Variants in UPP2 observed in about 807,000 individuals in gnomAD.
UPP2 encodes uridine phosphorylase 2.
UPP2 carries 23 observed loss-of-function variants against 26.7 expected under a neutral mutation model. That is an observed-to-expected ratio of 0.86 (90% CI 0.62 to 1.22). The LOEUF (loss-of-function observed/expected upper bound fraction) is 1.22, where lower values mean the gene tolerates loss of function less well. UPP2 is among the 50% of genes most tolerant of loss of function. The pLI, the probability that UPP2 is intolerant of heterozygous loss-of-function variation, is 0.00. For missense variants in UPP2, 387 were observed against 396.7 expected (o/e 0.98, Z 0.21); for synonymous variants, 127 against 141.3 (o/e 0.90, Z 0.72).
intron 3 of UPP2, chr2:158,065,921 T>C: frequency 1.7e-6 from 1 of 572,458 alleles, no homozygotes; most frequent in South Asian, 1.7e-5. Context: ...AAATGAAAGA[T>C]GATGATGCAG....
chr2:158,046,499 T>C (rs1684158017), intron 3 of UPP2, among the ~76,000 whole-genome samples: 1 of 152,200 alleles, frequency 6.6e-6, no homozygotes, highest in South Asian at 2.1e-4. Flanking sequence ...AGATTTGAAT[T>C]TTGGGTTAGG....
chr2:158,015,733 G>T (rs1683647798), intron 2 of UPP2: 1 of 447,930 alleles, frequency 2.2e-6, no homozygotes, highest in African/African-American at 2.0e-5. Flanking sequence ...ACAAGATTTG[G>T]TTGTTTGAAA....
At chr2:158,009,923 G>T (rs1470229291) in intron 2 of UPP2, among the ~76,000 whole-genome samples, 1 of 152,164 alleles carries the variant, frequency 6.6e-6, no homozygotes, top group Non-Finnish European at 1.5e-5. Flanking sequence ...TTACATTATT[G>T]CTATTAATCA....
chr2:158,072,299 G>A (rs1426799000), intron 3 of UPP2, among the ~76,000 whole-genome samples: 4 of 152,112 alleles, frequency 2.6e-5, no homozygotes, highest in Admixed American at 6.5e-5. Flanking sequence ...TTGAGGGCCA[G>A]CTTAACCACA....
chr2:158,100,086 C>T (rs1683049784), upstream of UPP2, among the ~76,000 whole-genome samples: 1 of 152,168 alleles, frequency 6.6e-6, no homozygotes, highest in Non-Finnish European at 1.5e-5. Context: ...AACAACCTAC[C>T]ATAAGAGCAG....
chr2:158,048,245 T>G (rs888174434), intron 3 of UPP2, among the ~76,000 whole-genome samples: 5 of 152,154 alleles, frequency 3.3e-5, no homozygotes, highest in African/African-American at 1.2e-4. Flanking sequence ...CAGGGGCAGA[T>G]GAAAGTTTTG....
At chr2:158,046,804 G>A (rs932802616) in intron 3 of UPP2, among the ~76,000 whole-genome samples, 3 of 152,128 alleles carry the variant, frequency 2.0e-5, no homozygotes, top group African/African-American at 7.2e-5. Context: ...TAAGCTTAGG[G>A]AGTTCTGTAA....
chr2:158,081,218 G>T (rs1484051875), intron 3 of UPP2, among the ~76,000 whole-genome samples: 2 of 152,138 alleles, frequency 1.3e-5, no homozygotes, highest in East Asian at 3.8e-4. Context: ...AAGTTTTACT[G>T]CTTAACAAAG....
At chr2:158,013,206 G>A (rs190095240) in intron 2 of UPP2, among the ~76,000 whole-genome samples, 1 of 152,220 alleles carries the variant, frequency 6.6e-6, no homozygotes, top group African/African-American at 2.4e-5. Flanking sequence ...ATGTTGCACA[G>A]GCTGGTCTCA....
rs917658130 is a variant in UPP2, at chr2:158,014,512, G to A, written c.62-1289G>A. Reference sequence around the variant, plus strand: ...ACTCCATCTCTTATTAAAAAGTACAGTTAATCTGGACCTTCCCTCCCACTC... The same window carrying A: ...ACTCCATCTCTTATTAAAAAGTACAATTAATCTGGACCTTCCCTCCCACTC... On this transcript the variant is annotated intron_variant, in intron 2 of 9. Coordinates refer to the UPP2 transcript ENST00000605860. Among the ~76,000 whole-genome samples the A allele has an allele frequency of 7.2e-5, 11 of 152,240 alleles. 1 individual carries two copies. Among genetic ancestry groups the A allele is most frequent in the African/African-American group, 2.4e-4 (10 of 41,548 alleles).
At chr2:158,106,435 T>C (rs1214271413) in intron 2 of UPP2, among the ~76,000 whole-genome samples, 1 of 152,162 alleles carries the variant, frequency 6.6e-6, no homozygotes, top group Non-Finnish European at 1.5e-5. Context: ...AATGCAAACA[T>C]GTTATTTGGC....
intron 3 of UPP2, among the ~76,000 whole-genome samples, chr2:158,044,807 C>T (rs185978938): frequency 2.0e-5 from 3 of 152,272 alleles, no homozygotes; most frequent in Admixed American, 2.0e-4. Flanking sequence ...GTAACCTAAA[C>T]GGCTCTAGTA....
intron 3 of UPP2, among the ~76,000 whole-genome samples, chr2:158,043,108 A>G (rs1318937457): frequency 6.6e-6 from 1 of 152,226 alleles, no homozygotes; most frequent in African/African-American, 2.4e-5. Flanking sequence ...TCTAATGTTT[A>G]AAATCTGTTC....
intron 3 of UPP2, chr2:158,066,007 TA>T: frequency 2.8e-6 from 1 of 362,832 alleles, no homozygotes; most frequent in Non-Finnish European, 5.1e-6. Flanking sequence ...GTATCATCCT[TA>T]AAGATGTGGC....
chr2:158,065,853 T>G (rs1682426203), intron 3 of UPP2: 1 of 663,300 alleles, frequency 1.5e-6, no homozygotes, highest in Admixed American at 2.2e-5. Flanking sequence ...TGCTGTTCAT[T>G]GCATTGCAGG....
intron 3 of UPP2, among the ~76,000 whole-genome samples, chr2:158,083,867 T>TATATATATATATATATATATATATATATA (rs1553467792): frequency 6.9e-5 from 10 of 145,870 alleles, no homozygotes; most frequent in African/African-American, 2.3e-4. Context: ...TATATGTTTT[T>TATATATATATATATATATATATATATATA]TATATATATA....
intron 3 of UPP2, among the ~76,000 whole-genome samples, chr2:158,051,696 G>C (rs1010505441): frequency 2.2e-4 from 33 of 152,068 alleles, no homozygotes; most frequent in Middle Eastern, 3.4e-3. Flanking sequence ...CAGGAGAATC[G>C]CTTGAACCCA....
At chr2:158,035,221 G>A (rs1050517121) in intron 3 of UPP2, among the ~76,000 whole-genome samples, 6 of 150,864 alleles carry the variant, frequency 4.0e-5, no homozygotes, top group African/African-American at 1.2e-4. Context: ...GCAGTGGTGC[G>A]ATTTCAGCTC....
intron 3 of UPP2, among the ~76,000 whole-genome samples, chr2:158,053,333 G>A (rs187325178): frequency 3.3e-4 from 51 of 152,274 alleles, no homozygotes; most frequent in Admixed American, 8.5e-4. Flanking sequence ...GCTGTGCTAA[G>A]CACTTTATAT....
Sources: gnomAD v4.1 joint callset for allele counts (sites outside exome capture counted in the v4.1 genomes callset) on GRCh38, gnomAD v4.1.1 for gene constraint, MANE v1.5 for transcripts, NCBI Gene and HGNC (gene_info 2026-07-23, HGNC 2026-07-21) for gene names.